RAP1GAP2: variants seen among roughly 807,000 people sequenced by gnomAD.
The protein encoded by RAP1GAP2 is rap1 GTPase-activating protein 2.
A neutral mutation model predicts 95.0 loss-of-function variants in RAP1GAP2; 27 were observed. The ratio of observed to expected loss-of-function variants is 0.28; its 90% CI spans 0.21 to 0.39. RAP1GAP2 has a LOEUF of 0.39. Among genes scored for constraint, RAP1GAP2 ranks in the 10% least tolerant of loss-of-function variants. RAP1GAP2 has a pLI of 1.00. For synonymous variants in RAP1GAP2, 373 were observed against 380.9 expected, an observed-to-expected ratio of 0.98 and a Z score of 0.24; for missense variants, 771 against 970.0, an observed-to-expected ratio of 0.79 and a Z score of 2.72.
chr17:2,807,663 G>T (rs1043123976), intron 2 of RAP1GAP2, among the ~76,000 whole-genome samples: 1 of 152,184 alleles, frequency 6.6e-6, no homozygotes, highest in Non-Finnish European at 1.5e-5. Flanking sequence ...AGGCAGTGGG[G>T]CGTGAAGCAG....
intron 2 of RAP1GAP2, among the ~76,000 whole-genome samples, chr17:2,801,325 AT>A (rs1430106525): frequency 1.3e-5 from 2 of 151,254 alleles, no homozygotes; most frequent in Non-Finnish European, 3.0e-5. Flanking sequence ...AAATACAAAA[AT>A]TAGCTGAGCG....
At chr17:2,793,631 T>A (rs982525073), upstream of RAP1GAP2, among the ~76,000 whole-genome samples, 1 of 152,258 alleles carries the variant, frequency 6.6e-6, no homozygotes, top group Non-Finnish European at 1.5e-5. Context: ...CCACTTTCAC[T>A]TGTTCACTTG....
rs2046297079 is a variant in RAP1GAP2 at position 3,005,253 on chromosome 17, G to C, written c.1201-116G>C. The C allele has an allele frequency of 2.9e-6, 3 of 1,043,022 alleles. No homozygotes were observed. In the South Asian group the frequency reaches 3.8e-5, roughly 13 times the overall value. The allele number at this position is 1,043,022 out of a possible 1,614,324, so 64.6% of individuals were successfully genotyped here. ...CGATGCTCACAGGAGTATTTTGTTT[G>C]TGTTCTGGGAAGAGGAGGAGGGAGA... is the stretch of plus-strand genomic sequence containing the variant. On this transcript the variant is annotated intron_variant, in intron 14 of 24. Coordinates refer to ENST00000254695, the MANE Select transcript of RAP1GAP2 (RefSeq NM_015085.5). The surrounding 1 kb of genome is among the most constrained non-coding windows in gnomAD (Gnocchi z 5.2).
At position 2,825,321 on chromosome 17, in the gene RAP1GAP2, A is replaced by G. The variant is rs2070500827; in HGVS notation, c.80+24771A>G. 6.6e-6 allele frequency among the ~76,000 whole-genome samples: 1 copy of G among 152,124 alleles called. No homozygotes were observed. Among genetic ancestry groups the G allele is most frequent in the Non-Finnish European group, 1.5e-5 (1 of 68,020 alleles). The stretch of plus-strand genomic sequence containing the variant: ...GTTTTTGGCTCATGATTTGGGCAAG[A>G]GGAGGGAGAAGGGAAGAGAAGAAAC... On this transcript the variant is annotated intron_variant, in intron 2 of 24. Transcript: ENST00000254695. This position sits in a 1 kb window ranked among gnomAD's most constrained non-coding sequence, Gnocchi z 4.1.
At chr17:2,953,424 C>A (rs1381861745) in intron 3 of RAP1GAP2, among the ~76,000 whole-genome samples, 1 of 152,168 alleles carries the variant, frequency 6.6e-6, no homozygotes, top group African/African-American at 2.4e-5. Context: ...CACCCCTCAA[C>A]TTAATATATC....
At chr17:2,819,916 G>A (rs2070208065) in intron 2 of RAP1GAP2, among the ~76,000 whole-genome samples, 1 of 151,706 alleles carries the variant, frequency 6.6e-6, no homozygotes, top group Non-Finnish European at 1.5e-5. Flanking sequence ...CTCCCACGTG[G>A]TTGGGACTAC....
At chr17:2,911,334 C>T (rs1219352393) in intron 3 of RAP1GAP2, among the ~76,000 whole-genome samples, 1 of 147,746 alleles carries the variant, frequency 6.8e-6, no homozygotes, top group Non-Finnish European at 1.5e-5. Context: ...TGAATAAGAT[C>T]CCAGTTCCCA....
intron 2 of RAP1GAP2, among the ~76,000 whole-genome samples, chr17:2,833,344 C>A (rs2070982601): frequency 1.3e-5 from 2 of 151,664 alleles, no homozygotes; most frequent in African/African-American, 4.8e-5. Context: ...ACCATGTTGG[C>A]CAGGCTGGTC....
At chr17:2,884,835 A>G (rs2073429195) in intron 2 of RAP1GAP2, among the ~76,000 whole-genome samples, 1 of 152,168 alleles carries the variant, frequency 6.6e-6, no homozygotes, top group African/African-American at 2.4e-5. Context: ...TGGCAGAGGA[A>G]GTAATCATAC....
At chr17:2,931,853 C>T (rs1479957793) in intron 3 of RAP1GAP2, among the ~76,000 whole-genome samples, 1 of 152,104 alleles carries the variant, frequency 6.6e-6, no homozygotes, top group East Asian at 1.9e-4. Flanking sequence ...AGGGGAAGGG[C>T]AGGTTAGGGG....
At chr17:2,793,961 C>T (rs555304534), upstream of RAP1GAP2, among the ~76,000 whole-genome samples, 23 of 151,950 alleles carry the variant, frequency 1.5e-4, no homozygotes, top group South Asian at 4.2e-3. Flanking sequence ...ATTAGCTGGG[C>T]GTGGTGGCGG....
chr17:3,032,059 G>A (rs1368686652), intron 23 of RAP1GAP2, among the ~76,000 whole-genome samples: 8 of 95,482 alleles, frequency 8.4e-5, no homozygotes, highest in Non-Finnish European at 1.3e-4. Flanking sequence ...CTTGGGTCCC[G>A]AATCCCTTCC....
At chr17:2,849,978 A>C (rs996078280) in intron 2 of RAP1GAP2, among the ~76,000 whole-genome samples, 3 of 149,098 alleles carry the variant, frequency 2.0e-5, no homozygotes, top group African/African-American at 7.4e-5. Flanking sequence ...CAGGTGTGTC[A>C]CTAACACCTA....
chr17:2,769,091 G>A (rs916725611), intron 1 of RAP1GAP2, among the ~76,000 whole-genome samples: 16 of 151,928 alleles, frequency 1.1e-4, no homozygotes, highest in Non-Finnish European at 1.9e-4. Flanking sequence ...AATTAGCTGG[G>A]TGGGGTGGCT....
chr17:2,755,679 C>T (rs2071124690), upstream of RAP1GAP2: 3 of 291,972 alleles, frequency 1.0e-5, no homozygotes, highest in Admixed American at 5.2e-5. Flanking sequence ...CCTCCTCCAC[C>T]GTGCGGCCCG....
chr17:2,966,211 G>A (rs918373709), intron 8 of RAP1GAP2, among the ~76,000 whole-genome samples: 1 of 152,180 alleles, frequency 6.6e-6, no homozygotes, highest in Non-Finnish European at 1.5e-5. Context: ...TAGCTAACAT[G>A]TTTTGTAAAA....
intron 2 of RAP1GAP2, among the ~76,000 whole-genome samples, chr17:2,900,246 C>CA (rs1176490781): frequency 3.3e-5 from 5 of 152,014 alleles, no homozygotes; most frequent in African/African-American, 1.2e-4. Flanking sequence ...AGAGTAGATC[C>CA]CCAGGCTAGA....
chr17:3,018,511 G>GT, intron 18 of RAP1GAP2, among the ~76,000 whole-genome samples: 1 of 152,272 alleles, frequency 6.6e-6, no homozygotes, highest in East Asian at 1.9e-4. Flanking sequence ...TGGTCCTGGG[G>GT]TGTGTTTTGC....
In RAP1GAP2 at chr17:2,870,011, G is replaced by T. The variant is rs1251559934; in HGVS notation, c.81-35273G>T. ...AGATGGGCAGCAGCTACTCCAGGGT[G>T]CGTTGACCTGCAGAGCAGGCCTCAG... On this transcript the variant is annotated intron_variant, in intron 2 of 24. Transcript: ENST00000254695. This position sits in a 1 kb window ranked among gnomAD's most constrained non-coding sequence, Gnocchi z 4.4. 6.8e-6 allele frequency among the ~76,000 whole-genome samples: 1 copy of T among 146,942 alleles called. No homozygotes were observed. The highest frequency in any genetic ancestry group is 6.6e-5 in the Admixed American group (1 of 15,050).
Sources: allele counts gnomAD v4.1 joint callset (sites outside exome capture counted in the v4.1 genomes callset), GRCh38; gene constraint gnomAD v4.1.1; non-coding constraint Gnocchi (gnomAD v3.1); transcripts MANE v1.5; gene names NCBI Gene and HGNC (gene_info 2026-07-23, HGNC 2026-07-21).